IL36B: variants seen among roughly 807,000 people sequenced by gnomAD.
IL36B encodes the protein interleukin-36 beta.
IL36B carries 23 observed loss-of-function variants against 19.3 expected under a neutral mutation model. That is an observed-to-expected ratio of 1.19 (90% CI 0.86 to 1.69). The LOEUF (loss-of-function observed/expected upper bound fraction) is 1.69, where lower values mean the gene tolerates loss of function less well. Ranked by LOEUF, IL36B falls within the 40% of genes most tolerant of loss-of-function variation. The pLI, the probability that IL36B is intolerant of heterozygous loss-of-function variation, is 0.00. For missense variants in IL36B, 217 were observed against 200.5 expected (o/e 1.08, Z -0.50); for synonymous variants, 59 against 59.7 (o/e 0.99, Z 0.05).
Position 113,022,446 on chromosome 2 carries a change from C to T in IL36B, c.*228G>A. 1 of 397,162 alleles carries T rather than the reference C, an allele frequency of 2.5e-6. No homozygotes were observed. 24.6% of individuals were successfully genotyped at this position (397,162 alleles called of 1,614,324 possible). ...AACACTCTAAGGACTGGACAAAACA[C>T]ATTTACAGGTTATGTAGTCCAAATC... On this transcript the variant is annotated 3_prime_UTR_variant, in exon 6 of 6. Coordinates refer to ENST00000259213, the MANE Select transcript of IL36B (RefSeq NM_014438.5).
At chr2:113,027,938 T>C in intron 4 of IL36B, 2 of 1,614,108 alleles carry the variant, frequency 1.2e-6, no homozygotes, top group Non-Finnish European at 1.7e-6. Context: ...TTAGTGTTAT[T>C]AGTTATGCCT....
chr2:113,048,160 G>A (rs1373081553), intron 1 of IL36B, among the ~76,000 whole-genome samples: 1 of 152,220 alleles, frequency 6.6e-6, no homozygotes, highest in East Asian at 1.9e-4. Flanking sequence ...TAAGAAGGTG[G>A]AGAAAGATGT....
intron 1 of IL36B, among the ~76,000 whole-genome samples, chr2:113,051,100 G>A (rs1685436375): frequency 1.3e-5 from 2 of 152,362 alleles, no homozygotes; most frequent in South Asian, 4.1e-4. Flanking sequence ...CTAGCCTGGT[G>A]GAGAGCGCCC....
chr2:113,031,089 T>C lies in IL36B; in HGVS notation c.80A>G (p.Asn27Ser), dbSNP rs1195994725. ...GCTAAGAGGAGCTGCTATTAAAGAA[T>C]TTCCACTCAGGACCCACACCATCTG... Residue 27 changes from asparagine (N) to serine (S), a missense_variant, in exon 3 of 6, where the codon AAT becomes AGT. Coordinates refer to ENST00000259213, the MANE Select transcript of IL36B (RefSeq NM_014438.5). The C allele has an allele frequency of 6.2e-7, 1 of 1,614,130 alleles. No individual in the cohort carries two copies. The highest frequency in any genetic ancestry group is 8.5e-7 in the Non-Finnish European group (1 of 1,179,988).
At chr2:113,042,148 G>C (rs1685269838) in intron 1 of IL36B, among the ~76,000 whole-genome samples, 1 of 152,156 alleles carries the variant, frequency 6.6e-6, no homozygotes, top group East Asian at 1.9e-4. Context: ...TGAGGCACCT[G>C]TTCATTCACC....
intron 1 of IL36B, among the ~76,000 whole-genome samples, chr2:113,046,329 C>A (rs1392825490): frequency 2.6e-5 from 4 of 151,772 alleles, no homozygotes; most frequent in Non-Finnish European, 5.9e-5. Context: ...CCTGCTTCAA[C>A]CTCCTGAGTA....
At chr2:113,041,490 G>A (rs750201877) in intron 1 of IL36B, among the ~76,000 whole-genome samples, 2 of 152,108 alleles carry the variant, frequency 1.3e-5, no homozygotes, top group African/African-American at 2.4e-5. Flanking sequence ...AAACCTTAGC[G>A]CTTTTAGAGA....
At chr2:113,028,913 C>T (rs1045953285) in intron 4 of IL36B, 26 bp downstream of exon 4, 42 of 1,609,422 alleles carry the variant, frequency 2.6e-5, no homozygotes, top group African/African-American at 4.0e-5. Context: ...GACAGTACTT[C>T]TCTCGTTAGC....
rs138440701 is a variant in IL36B, at chr2:113,026,166, T to A, written c.328A>T (p.Ile110Leu). Residue 110 changes from isoleucine (I) to leucine (L), a missense_variant, in exon 5 of 6, where the codon ATA becomes TTA. Transcript: ENST00000259213. The stretch of plus-strand genomic sequence containing the variant: ...CAGCTCTCTCTCACATCCAGGTTTA[T>A]GCATGTGTGAATTCCAACTAGTTTC... The A allele has an allele frequency of 3.7e-6, 6 of 1,613,856 alleles. No individual in the cohort carries two copies. The highest frequency in any genetic ancestry group is 5.1e-6 in the Non-Finnish European group (6 of 1,179,864).
At chr2:113,030,995 T>G in intron 3 of IL36B, 53 bp downstream of exon 3, 1 of 1,294,812 alleles carries the variant, frequency 7.7e-7, no homozygotes, top group Non-Finnish European at 1.1e-6. Context: ...GCCTCATTCC[T>G]GGTGAAGATG....
chr2:113,041,157 ACAC>A (rs768658655), intron 1 of IL36B, among the ~76,000 whole-genome samples: 20 of 76,388 alleles, frequency 2.6e-4, no homozygotes, highest in Non-Finnish European at 1.4e-4. Flanking sequence ...ACTTTGCCAC[ACAC>A]AAAAAAAAAG....
At position 113,026,138 on chromosome 2, in the gene IL36B, A is replaced by C. The variant is rs779920005; in HGVS notation, c.356T>G (p.Phe119Cys). Residue 119 changes from phenylalanine (F) to cysteine (C), a missense_variant, in exon 5 of 6, where the codon TTC (phenylalanine) becomes TGC (cysteine). Phe to Cys is a radical substitution (Grantham distance 205). Coordinates refer to ENST00000259213, the MANE Select transcript of IL36B (RefSeq NM_014438.5). ...TCCCCATTGGTCAAGGGTTCCCATG[A>C]AGCAGCTCTCTCTCACATCCAGGTT... 1.2e-6 allele frequency: 2 copies of C among 1,613,810 alleles called. No individual in the cohort carries two copies. Among genetic ancestry groups the C allele is most frequent in the African/African-American group, 1.3e-5 (1 of 74,912 alleles).
At chr2:113,025,008 T>C (rs533367683) in intron 5 of IL36B, among the ~76,000 whole-genome samples, 21 of 152,330 alleles carry the variant, frequency 1.4e-4, no homozygotes, top group Middle Eastern at 6.8e-3. Flanking sequence ...TGTGCCCCTA[T>C]GCTGTTGTGC....
intron 1 of IL36B, among the ~76,000 whole-genome samples, chr2:113,032,972 G>A (rs1685106286): frequency 6.6e-6 from 1 of 152,202 alleles, no homozygotes; most frequent in Non-Finnish European, 1.5e-5. Flanking sequence ...CTGAGTTGAG[G>A]AGAGTGCCTT....
At chr2:113,028,679 A>G (rs1379340157) in intron 4 of IL36B, among the ~76,000 whole-genome samples, 1 of 152,184 alleles carries the variant, frequency 6.6e-6, no homozygotes, top group Admixed American at 6.5e-5. Context: ...AATGGAGAAA[A>G]TACTGTTCTT....
At chr2:113,046,361 C>T (rs138652242) in intron 1 of IL36B, among the ~76,000 whole-genome samples, 24 of 152,166 alleles carry the variant, frequency 1.6e-4, no homozygotes, top group African/African-American at 5.8e-4. Context: ...AGACTCCCGC[C>T]ACCACGCTCA....
At chr2:113,030,317 C>A (rs1482233525) in intron 3 of IL36B, among the ~76,000 whole-genome samples, 4 of 151,594 alleles carry the variant, frequency 2.6e-5, no homozygotes, top group South Asian at 2.1e-4. Flanking sequence ...AGCATGGGGA[C>A]CAAGAAGTGT....
chr2:113,024,763 C>T (rs1684923256), intron 5 of IL36B, among the ~76,000 whole-genome samples: 1 of 152,216 alleles, frequency 6.6e-6, no homozygotes, highest in South Asian at 2.1e-4. Context: ...TATTTATAAG[C>T]ACTGTCCAGG....
intron 1 of IL36B, among the ~76,000 whole-genome samples, chr2:113,035,532 G>A (rs182072888): frequency 6.6e-6 from 1 of 152,086 alleles, no homozygotes; most frequent in East Asian, 1.9e-4. Context: ...CAACAAGAAA[G>A]TTGTGAAGTT....
Sources: gnomAD v4.1 joint callset for allele counts (sites outside exome capture counted in the v4.1 genomes callset) on GRCh38, gnomAD v4.1.1 for gene constraint, MANE v1.5 for transcripts, NCBI Gene and HGNC (gene_info 2026-07-23, HGNC 2026-07-21) for gene names.